Variants in AOPEP observed in about 807,000 individuals in gnomAD.
AOPEP encodes aminopeptidase O.
Under a neutral mutation model 98.1 loss-of-function variants are expected in AOPEP, and 77 were observed. The observed-to-expected ratio is 0.78, with a 90% CI of 0.65 to 0.95. AOPEP has a LOEUF of 0.95. Among genes scored for constraint, AOPEP ranks in the 40% least tolerant of loss-of-function variants. The pLI is 0.00. For synonymous variants in AOPEP, 346 were observed against 365.3 expected, an observed-to-expected ratio of 0.95 and a Z score of 0.60; for missense variants, 1,024 against 1,024.7, an observed-to-expected ratio of 1.00 and a Z score of 0.01.
At chr9:94,782,412 G>A (rs1404791726) in intron 3 of AOPEP, among the ~76,000 whole-genome samples, 1 of 152,056 alleles carries the variant, frequency 6.6e-6, no homozygotes, top group Non-Finnish European at 1.5e-5. Flanking sequence ...CTTCATTCTG[G>A]GCAAAATGCT....
At chr9:94,818,558 C>T (rs1048788541) in intron 5 of AOPEP, among the ~76,000 whole-genome samples, 1 of 152,176 alleles carries the variant, frequency 6.6e-6, no homozygotes, top group African/African-American at 2.4e-5. Flanking sequence ...GGTTTTCCTT[C>T]AAGGCTGTAG....
At chr9:95,108,436 G>GT in the AOPEP span, among the ~76,000 whole-genome samples, 3 of 152,182 alleles carry the variant, frequency 2.0e-5, no homozygotes, top group Non-Finnish European at 2.9e-5. Flanking sequence ...CTTTATATCT[G>GT]TTTTTTCTCT....
chr9:95,016,142 T>TCC (rs568322048), intron 13 of AOPEP, among the ~76,000 whole-genome samples: 1 of 148,836 alleles, frequency 6.7e-6, no homozygotes, highest in Non-Finnish European at 1.5e-5. Flanking sequence ...TTTTTTTTTT[T>TCC]CCCCCCACGG....
Position 94,918,582 on chromosome 9 carries a change from C to G in AOPEP, c.1365-5404C>G, listed in dbSNP as rs2053149063. On this transcript the variant is annotated intron_variant, in intron 5 of 16. Transcript: ENST00000375315. ...AGTCCAGACTGTGTGAGCTCCAGTC[C>G]TGGCTCTATTGCTTGCCAGCTGTGT... 3.9e-5 allele frequency among the ~76,000 whole-genome samples: 6 copies of G among 152,320 alleles called. No individual in the cohort carries two copies. In the South Asian group the frequency reaches 1.0e-3, roughly 26 times the overall value.
At chr9:95,053,586 CAAATGTCACTGTTTGT>C (rs1213030400) in intron 13 of AOPEP, among the ~76,000 whole-genome samples, 1 of 152,118 alleles carries the variant, frequency 6.6e-6, no homozygotes, top group Non-Finnish European at 1.5e-5. Flanking sequence ...TTGGAGCTAG[CAAATGTCACTGTTTGT>C]AAATTAGGAA....
intron 2 of AOPEP, among the ~76,000 whole-genome samples, chr9:94,766,306 AGGCG>A: frequency 6.6e-6 from 1 of 152,242 alleles, no homozygotes. Context: ...TGGGAGGCCG[AGGCG>A]GGTGAATCAC....
chr9:94,875,318 A>T (rs558073701), intron 5 of AOPEP, among the ~76,000 whole-genome samples: 1 of 149,604 alleles, frequency 6.7e-6, no homozygotes, highest in African/African-American at 2.5e-5. Context: ...ACTTAGACAA[A>T]TTAAATTTAA....
chr9:95,123,455 C>T, the AOPEP span: 1 of 460,834 alleles, frequency 2.2e-6, no homozygotes, highest in Non-Finnish European at 4.3e-6. Flanking sequence ...GCCCGGGCAA[C>T]ATGGTGAAAC....
At chr9:95,052,640 A>T (rs1392584163) in intron 13 of AOPEP, among the ~76,000 whole-genome samples, 1 of 152,232 alleles carries the variant, frequency 6.6e-6, no homozygotes, top group Non-Finnish European at 1.5e-5. Context: ...TTATTAACTA[A>T]AATTACTAAA....
At chr9:95,064,307 A>G (rs867776622) in intron 14 of AOPEP, among the ~76,000 whole-genome samples, 7 of 152,028 alleles carry the variant, frequency 4.6e-5, no homozygotes, top group South Asian at 2.1e-4. Flanking sequence ...TTTTGTTTGT[A>G]TGTTTGAGAC....
At chr9:95,065,955 T>A (rs1159582245) in intron 14 of AOPEP, among the ~76,000 whole-genome samples, 1 of 152,230 alleles carries the variant, frequency 6.6e-6, no homozygotes, top group Non-Finnish European at 1.5e-5. Flanking sequence ...ACCATGCTTG[T>A]GAGGGTCATG....
chr9:95,148,432 A>G, the AOPEP span, among the ~76,000 whole-genome samples: 2 of 152,200 alleles, frequency 1.3e-5, no homozygotes, highest in African/African-American at 4.8e-5. Context: ...TACTTTCTCA[A>G]TAATTAGCAA....
intron 5 of AOPEP, among the ~76,000 whole-genome samples, chr9:94,863,154 G>A (rs746838596): frequency 1.1e-4 from 16 of 152,016 alleles, no homozygotes; most frequent in Non-Finnish European, 7.4e-5. Flanking sequence ...AGTGGGAACC[G>A]GGGCTGCTTC....
At chr9:94,901,308 C>T (rs56048239) in intron 5 of AOPEP, among the ~76,000 whole-genome samples, 4,891 of 152,170 alleles carry the variant, frequency 0.032, 202 homozygotes, top group African/African-American at 0.094. Context: ...CTCTGAGCCC[C>T]CATAGCAAGA....
intron 5 of AOPEP, among the ~76,000 whole-genome samples, chr9:94,899,209 G>T (rs1340545555): frequency 1.9e-4 from 24 of 125,546 alleles, no homozygotes; most frequent in Non-Finnish European, 9.9e-5. Flanking sequence ...TTTTGAGAGG[G>T]AGTCTTGCTC....
At chr9:94,908,175 C>T (rs1014424299) in intron 5 of AOPEP, among the ~76,000 whole-genome samples, 7 of 152,258 alleles carry the variant, frequency 4.6e-5, no homozygotes, top group East Asian at 1.9e-4. Flanking sequence ...GGTTCCCATC[C>T]GCTGCCACCT....
At chr9:95,065,648 G>T in intron 14 of AOPEP, among the ~76,000 whole-genome samples, 1 of 152,374 alleles carries the variant, frequency 6.6e-6, no homozygotes, top group African/African-American at 2.4e-5. Flanking sequence ...CACCATTGTG[G>T]AGTGTCAGAG....
intron 11 of AOPEP, among the ~76,000 whole-genome samples, chr9:95,000,574 G>A (rs1207385239): frequency 6.6e-6 from 1 of 152,132 alleles, no homozygotes; most frequent in East Asian, 1.9e-4. Context: ...TGGACGTGGT[G>A]GCAGGCGCCT....
At chr9:94,741,735 G>GC (rs1587988677) in intron 1 of AOPEP, among the ~76,000 whole-genome samples, 1 of 152,032 alleles carries the variant, frequency 6.6e-6, no homozygotes, top group Non-Finnish European at 1.5e-5. Context: ...AATCTTTGCG[G>GC]CCCCCCAAAA....
Sources: gnomAD v4.1 joint callset for allele counts (sites outside exome capture counted in the v4.1 genomes callset) on GRCh38, gnomAD v4.1.1 for gene constraint, MANE v1.5 for transcripts, NCBI Gene and HGNC (gene_info 2026-07-23, HGNC 2026-07-21) for gene names.